Variants in NIFK observed in about 807,000 individuals in gnomAD.
NIFK encodes the protein MKI67 FHA domain-interacting nucleolar phosphoprotein.
In NIFK, 16 loss-of-function variants were observed where a neutral mutation model predicts 31.7. That is an observed-to-expected ratio of 0.50 (90% CI 0.34 to 0.77). NIFK has a LOEUF of 0.77. NIFK is among the 30% of genes least tolerant of loss of function. The pLI is 0.01. For missense variants in NIFK, 341 were observed against 350.4 expected (o/e 0.97, Z 0.21); for synonymous variants, 126 against 123.0 (o/e 1.02, Z -0.16).
intron 2 of NIFK, among the ~76,000 whole-genome samples, chr2:121,734,747 T>G (rs1281039848): frequency 1.3e-5 from 2 of 152,046 alleles, no homozygotes; most frequent in Admixed American, 6.6e-5. Flanking sequence ...TGAGCTGAGA[T>G]TGTACCACTG....
chr2:121,731,465 ACTC>A (rs1200971165), intron 3 of NIFK, among the ~76,000 whole-genome samples: 1 of 151,834 alleles, frequency 6.6e-6, no homozygotes, highest in Non-Finnish European at 1.5e-5. Flanking sequence ...CTGGTGCGTC[ACTC>A]CTCCACTCCC....
rs187174496 is a variant in NIFK, at chr2:121,727,306, A to G, written c.*418T>C. ...CTTCAACCATCTGATGTTGAAATCT[A>G]AAGCACCTCCATGAGTTAAATGTCC... On this transcript the variant is annotated 3_prime_UTR_variant, in exon 7 of 7. Coordinates refer to ENST00000285814, the MANE Select transcript of NIFK (RefSeq NM_032390.5). 2.5e-4 allele frequency: 104 copies of G among 414,740 alleles called. 1 individual carries two copies. Among genetic ancestry groups the G allele is most frequent in the Non-Finnish European group, 4.7e-4 (95 of 202,526 alleles). The allele number at this position is 414,740 out of a possible 1,614,324, so 25.7% of individuals were successfully genotyped here.
chr2:121,736,377 G>A (rs1051086466), intron 1 of NIFK, among the ~76,000 whole-genome samples: 1 of 152,240 alleles, frequency 6.6e-6, no homozygotes, highest in African/African-American at 2.4e-5. Context: ...GGGGAAACGC[G>A]GAAGCGTGAC....
At chr2:121,727,943 T>G (rs757717895) in intron 6 of NIFK, 31 bp from the exon 7 acceptor site, 1 of 1,541,688 alleles carries the variant, frequency 6.5e-7, no homozygotes, top group East Asian at 2.3e-5. Context: ...TTATAATACA[T>G]AAATGTAAAA....
At position 121,728,287 on chromosome 2, in the gene NIFK, C is replaced by A. The variant is rs1209617259; in HGVS notation, c.693+1G>T. On this transcript the variant is annotated splice_donor_variant, in intron 6 of 6. Transcript: ENST00000285814. LOFTEE classifies it high-confidence loss of function. ...GTCTGGAGTATTGAAAACCATTTTA[C>A]CTGGCTATCCACAGTCTTCTCAGGA... The A allele has an allele frequency of 1.9e-6, 3 of 1,589,382 alleles. No individual in the cohort carries two copies. The Admixed American group carries it at 5.3e-5, about 28-fold the overall frequency.
rs779911006 is a variant in NIFK, at chr2:121,736,727, G to C, written c.105+19C>G. ...GTCCATCGCCCCCGCTCGCAGCCTG[G>C]GCCAGGGTGCCTGCTCACCTGGGTT... On this transcript the variant is annotated intron_variant, in intron 1 of 6. Transcript: ENST00000285814. 1 of 1,603,430 alleles carries C rather than the reference G, an allele frequency of 6.2e-7. No homozygotes were observed. The highest frequency in any genetic ancestry group is 2.2e-5 in the East Asian group (1 of 44,840).
At chr2:121,731,492 G>A (rs1056684733) in intron 3 of NIFK, among the ~76,000 whole-genome samples, 4 of 152,182 alleles carry the variant, frequency 2.6e-5, no homozygotes, top group African/African-American at 7.2e-5. Flanking sequence ...GGCTTCTCTC[G>A]TGTGGAAGAG....
chr2:121,728,698 A>G, intron 4 of NIFK, 162 bp from the exon 5 acceptor site: 4 of 522,072 alleles, frequency 7.7e-6, no homozygotes, highest in South Asian at 2.8e-5. Context: ...AGTAAAGGGC[A>G]AAACTAGGAA....
At position 121,734,684 on chromosome 2, in the gene NIFK, T is replaced by G. The variant is rs538995954; in HGVS notation, c.243+929A>C. Among the ~76,000 whole-genome samples, 221 of 152,134 alleles carry G rather than the reference T, an allele frequency of 1.5e-3. 1 individual carries two copies. The highest frequency in any genetic ancestry group is 5.0e-3 in the African/African-American group (207 of 41,506). ...GGCAGGCGCCTGTAATCCCAGCTAC[T>G]TGGGAAGGTGACGCAAGGAGAATTG... On this transcript the variant is annotated intron_variant, in intron 2 of 6. Transcript: ENST00000285814.
chr2:121,736,200 T>C (rs1176639090), intron 1 of NIFK, among the ~76,000 whole-genome samples: 3 of 152,232 alleles, frequency 2.0e-5, no homozygotes, highest in Non-Finnish European at 4.4e-5. Context: ...CAGGAACTTC[T>C]AAGTTTTCCT....
chr2:121,734,563 C>T (rs7584570), intron 2 of NIFK, among the ~76,000 whole-genome samples: 12,526 of 151,784 alleles, frequency 0.083, 1,013 homozygotes, highest in African/African-American at 0.2. Flanking sequence ...GAGGCCGAGG[C>T]GGGAGGATCA....
Position 121,736,768 on chromosome 2 carries a change from T to C in NIFK, c.83A>G (p.Gln28Arg), listed in dbSNP as rs1353418350. 1 of 1,613,956 alleles carries C rather than the reference T, an allele frequency of 6.2e-7. No individual in the cohort carries two copies. The highest frequency in any genetic ancestry group is 1.3e-5 in the African/African-American group (1 of 74,948). ...EDVEFQKEVA[Q>R]VRKRITQRKK... ...CACCTGGGTTATGCGCTTGCGAACC[T>C]GCGCCACCTCCTTTTGAAACTCGAC... The change falls in exon 1 of 7, where the codon CAG becomes CGG. Residue 28 changes from glutamine (Q) to arginine (R), a missense_variant. Physicochemically the swap from Gln to Arg is conservative, Grantham distance 43 (BLOSUM62 1). Transcript: ENST00000285814.
intron 1 of NIFK, among the ~76,000 whole-genome samples, chr2:121,736,432 C>A (rs1294624921): frequency 6.6e-6 from 1 of 152,242 alleles, no homozygotes; most frequent in Non-Finnish European, 1.5e-5. Context: ...CCTATTCCCT[C>A]CAGCTGGTTC....
intron 4 of NIFK, 150 bp from the exon 5 acceptor site, chr2:121,728,686 CAAGTA>C (rs1248440602): frequency 3.7e-6 from 2 of 543,422 alleles, no homozygotes; most frequent in Non-Finnish European, 6.4e-6. Context: ...TGAATTATCT[CAAGTA>C]AAGGGCAAAA....
intron 6 of NIFK, 30 bp from the exon 7 acceptor site, chr2:121,727,942 A>G: frequency 1.3e-6 from 2 of 1,541,576 alleles, no homozygotes; most frequent in Middle Eastern, 1.7e-4. Flanking sequence ...ATTATAATAC[A>G]TAAATGTAAA....
Position 121,727,144 on chromosome 2 carries a change from C to A in NIFK, c.*580G>T. 2 of 239,558 alleles carry A rather than the reference C, an allele frequency of 8.3e-6. No individual in the cohort carries two copies. Among genetic ancestry groups the A allele is most frequent in the East Asian group, 1.0e-4 (1 of 9,972 alleles). 14.8% of individuals were successfully genotyped at this position (239,558 alleles called of 1,614,324 possible). A position where few individuals can be genotyped will look rare whatever the true frequency, so the allele number is the denominator to read the frequency against. ...ATAAAATGGTGGTTATTAATTCATG[C>A]TAGCACAACCAAAACTAATTTAACA... is the stretch of plus-strand genomic sequence containing the variant. On this transcript the variant is annotated 3_prime_UTR_variant, in exon 7 of 7. Coordinates refer to ENST00000285814, the MANE Select transcript of NIFK (RefSeq NM_032390.5).
At position 121,736,791 on chromosome 2, in the gene NIFK, G is replaced by T; in HGVS notation, c.60C>A (p.Val20=). ...PILSLNPQED[V]EFQKEVAQVR... ...CCTGCGCCACCTCCTTTTGAAACTC[G>T]ACATCTTCCTGCGGATTAAGCGACA... Residue 20 remains valine, a synonymous_variant, in exon 1 of 7, where the codon GTC becomes GTA. Transcript: ENST00000285814. The T allele has an allele frequency of 1.2e-6, 2 of 1,614,160 alleles. No individual in the cohort carries two copies. The highest frequency in any genetic ancestry group is 1.7e-6 in the Non-Finnish European group (2 of 1,179,994).
chr2:121,734,059 G>T (rs1419160558), intron 2 of NIFK, among the ~76,000 whole-genome samples: 1 of 152,078 alleles, frequency 6.6e-6, no homozygotes, highest in Non-Finnish European at 1.5e-5. Flanking sequence ...AGGCCGAGGT[G>T]GGCGGATCAT....
At chr2:121,733,397 C>G (rs2074557326) in intron 2 of NIFK, among the ~76,000 whole-genome samples, 1 of 152,074 alleles carries the variant, frequency 6.6e-6, no homozygotes, top group Non-Finnish European at 1.5e-5. Context: ...CGCCTATAAT[C>G]CCAGCTATTC....
Sources: allele counts gnomAD v4.1 joint callset (sites outside exome capture counted in the v4.1 genomes callset), GRCh38; gene constraint gnomAD v4.1.1; transcripts MANE v1.5; gene names NCBI Gene and HGNC (gene_info 2026-07-23, HGNC 2026-07-21).